The following C2CD2 variants were observed in gnomAD, a reference collection of about 807,000 sequenced individuals.
C2CD2 encodes C2 calcium dependent domain containing 2, also known as C2 domain-containing protein 2.
Under a neutral mutation model 74.3 loss-of-function variants are expected in C2CD2, and 43 were observed. That is an observed-to-expected ratio of 0.58 (90% CI 0.45 to 0.75). The LOEUF is 0.75. Ranked by LOEUF, C2CD2 falls within the 30% of genes least tolerant of loss-of-function variation. The pLI is 0.00. For synonymous variants in C2CD2, 422 were observed against 390.7 expected, an observed-to-expected ratio of 1.08 and a Z score of -0.94; for missense variants, 801 against 916.3, an observed-to-expected ratio of 0.87 and a Z score of 1.63.
In C2CD2 at chr21:41,918,128, GC is replaced by G; in HGVS notation, c.696del (p.Lys232AsnfsTer5). 6.2e-7 allele frequency: 1 copy of G among 1,614,140 alleles called. No homozygotes were observed. The highest frequency in any genetic ancestry group is 8.5e-7 in the Non-Finnish European group (1 of 1,180,020). ...SASPSVVLIT[K>X]PTTVKEAQNL... is the part of the protein sequence containing the mutation. ...ACCTGAGCTTCCTTTACAGTCGTGG[GC>G]TTGGTAATCAGAACCACTGATGGAG... is the stretch of plus-strand genomic sequence containing the variant. On this transcript the variant is annotated frameshift_variant, in exon 5 of 14. Coordinates refer to ENST00000380486, the MANE Select transcript of C2CD2 (RefSeq NM_015500.2). LOFTEE classifies it high-confidence loss of function.
rs963488849 is a variant in C2CD2 at position 41,905,710 on chromosome 21, C to T, written c.1432+14G>A. 5.0e-6 allele frequency: 7 copies of T among 1,390,092 alleles called. No homozygotes were observed. Among genetic ancestry groups the T allele is most frequent in the Admixed American group, 3.4e-5 (2 of 58,406 alleles). 86.1% of individuals were successfully genotyped at this position (1,390,092 alleles called of 1,614,324 possible). A position where few individuals can be genotyped will look rare whatever the true frequency, so the allele number is the denominator to read the frequency against. On this transcript the variant is annotated intron_variant, in intron 11 of 13. Coordinates refer to ENST00000380486, the MANE Select transcript of C2CD2 (RefSeq NM_015500.2). ...GTGCTAAGAGGGAGAGCGACGTGGG[C>T]GTGTCTCAGTTACCTGTGTCTGAAG... is the stretch of plus-strand genomic sequence containing the variant.
chr21:41,893,438 G>C (rs952012083), intron 13 of C2CD2, among the ~76,000 whole-genome samples: 1 of 152,146 alleles, frequency 6.6e-6, no homozygotes, highest in Non-Finnish European at 1.5e-5. Context: ...AGATGAAATA[G>C]CAAGGATTGC....
chr21:41,935,359 C>G (rs373180656), intron 2 of C2CD2, among the ~76,000 whole-genome samples: 89 of 152,340 alleles, frequency 5.8e-4, no homozygotes, highest in African/African-American at 2.0e-3. Context: ...GTTCATGCAA[C>G]TACTGTGTGT....
intron 13 of C2CD2, among the ~76,000 whole-genome samples, chr21:41,896,707 C>CAAA (rs71332341): frequency 0.012 from 909 of 73,510 alleles, 11 homozygotes; most frequent in African/African-American, 0.039. Flanking sequence ...GTTCTTAAAC[C>CAAA]AAAAAAAAAA....
chr21:41,912,283 G>A, intron 7 of C2CD2, 49 bp downstream of exon 7: 2 of 1,204,564 alleles, frequency 1.7e-6, no homozygotes, highest in Non-Finnish European at 2.4e-6. Context: ...TGGCGCTCCT[G>A]AACAGACACG....
intron 1 of C2CD2, among the ~76,000 whole-genome samples, chr21:41,943,370 A>T (rs73904788): frequency 0.11 from 16,042 of 152,230 alleles, 2,613 homozygotes; most frequent in African/African-American, 0.35. Context: ...CCAACGTTTT[A>T]TGACGAAGAA....
At chr21:41,909,937 T>C (rs542682272) in intron 7 of C2CD2, among the ~76,000 whole-genome samples, 22 of 150,376 alleles carry the variant, frequency 1.5e-4, no homozygotes, top group Non-Finnish European at 2.7e-4. Flanking sequence ...AAAGACAAAA[T>C]ACGGAACATG....
intron 13 of C2CD2, among the ~76,000 whole-genome samples, chr21:41,897,915 C>A (rs574102049): frequency 2.7e-4 from 41 of 152,288 alleles, no homozygotes; most frequent in African/African-American, 9.9e-4. Context: ...GAGTGGCATC[C>A]CTGGCCTCTA....
At chr21:41,894,678 G>A (rs1482935108) in intron 13 of C2CD2, 2 of 456,690 alleles carry the variant, frequency 4.4e-6, no homozygotes, top group African/African-American at 2.0e-5. Flanking sequence ...AGGCATGCAG[G>A]GGGCAGGGGA....
intron 13 of C2CD2, among the ~76,000 whole-genome samples, chr21:41,890,904 G>A (rs752304972): frequency 2.0e-5 from 3 of 152,200 alleles, no homozygotes; most frequent in Admixed American, 6.5e-5. Context: ...AGGAACTACT[G>A]TGTCCCATCT....
chr21:41,896,069 C>T (rs749338379), intron 13 of C2CD2, among the ~76,000 whole-genome samples: 6 of 152,132 alleles, frequency 3.9e-5, no homozygotes, highest in East Asian at 1.9e-4. Context: ...GAGGAACACG[C>T]GGAACTAGCA....
intron 1 of C2CD2, among the ~76,000 whole-genome samples, chr21:41,946,608 T>G (rs760370570): frequency 9.2e-5 from 14 of 152,166 alleles, no homozygotes; most frequent in Non-Finnish European, 1.8e-4. Flanking sequence ...ATCAGCCAAT[T>G]AAACCTCATT....
chr21:41,912,764 C>T lies in C2CD2; in HGVS notation c.845-324G>A, dbSNP rs373174006. Among the ~76,000 whole-genome samples the T allele has an allele frequency of 1.3e-3, 196 of 152,330 alleles. 1 individual carries two copies. The highest frequency in any genetic ancestry group is 4.6e-3 in the African/African-American group (191 of 41,578). ...TCGGCCTCCCAAAGTGCTGGGATTA[C>T]AGGCATGAGCTACCGCGCCCAGCAT... On this transcript the variant is annotated intron_variant, in intron 6 of 13. Transcript: ENST00000380486.
chr21:41,934,830 C>T (rs566105132), intron 2 of C2CD2, among the ~76,000 whole-genome samples: 2 of 150,778 alleles, frequency 1.3e-5, no homozygotes, highest in Non-Finnish European at 2.9e-5. Context: ...CAGGACAACA[C>T]GGCTGCTGCT....
At chr21:41,928,960 A>C (rs1422592274) in intron 2 of C2CD2, among the ~76,000 whole-genome samples, 1 of 144,702 alleles carries the variant, frequency 6.9e-6, no homozygotes, top group South Asian at 2.3e-4. Context: ...CACGAGCTTA[A>C]GTGAAATAAT....
intron 2 of C2CD2, among the ~76,000 whole-genome samples, chr21:41,935,829 G>C (rs1428038729): frequency 2.6e-5 from 4 of 152,236 alleles, no homozygotes; most frequent in African/African-American, 9.6e-5. Flanking sequence ...GGGTAACAGA[G>C]CAAGACTCTG....
At position 41,888,692 on chromosome 21, in the gene C2CD2, C is replaced by T; in HGVS notation, c.*432G>A. The T allele has an allele frequency of 5.4e-6, 1 of 185,524 alleles. No homozygotes were observed. The highest frequency in any genetic ancestry group is 1.2e-4 in the South Asian group (1 of 8,042). 11.5% of individuals were successfully genotyped at this position (185,524 alleles called of 1,614,324 possible). ...CCATCCTTTCCATTCACAGTGACAG[C>T]ACAGGGGGGCACCTCCTTTTTGTGA... On this transcript the variant is annotated 3_prime_UTR_variant, in exon 14 of 14. Coordinates refer to ENST00000380486, the MANE Select transcript of C2CD2 (RefSeq NM_015500.2).
At chr21:41,949,076 A>G (rs987309612) in intron 1 of C2CD2, among the ~76,000 whole-genome samples, 4 of 151,922 alleles carry the variant, frequency 2.6e-5, no homozygotes, top group Admixed American at 6.6e-5. Context: ...GCCACGGAAC[A>G]CAGGCCTCGC....
chr21:41,937,447 G>A (rs1569080236), intron 2 of C2CD2, among the ~76,000 whole-genome samples: 1 of 152,182 alleles, frequency 6.6e-6, no homozygotes, highest in South Asian at 2.1e-4. Context: ...TGTAAGAATA[G>A]AGTATATAAT....
Sources: gnomAD v4.1 joint callset for allele counts (sites outside exome capture counted in the v4.1 genomes callset) on GRCh38, gnomAD v4.1.1 for gene constraint, MANE v1.5 for transcripts, NCBI Gene and HGNC (gene_info 2026-07-23, HGNC 2026-07-21) for gene names.